The following PDCL2 variants were observed in gnomAD, a reference collection of about 807,000 sequenced individuals.
The protein encoded by PDCL2 is phosducin like 2.
Under a neutral mutation model 30.3 loss-of-function variants are expected in PDCL2, and 23 were observed. That is an observed-to-expected ratio of 0.76 (90% confidence interval 0.55 to 1.08). PDCL2 has a LOEUF of 1.08. Ranked by LOEUF, PDCL2 falls within the 50% of genes least tolerant of loss-of-function variation. PDCL2 has a pLI of 0.00. For synonymous variants in PDCL2, 68 were observed against 86.2 expected (o/e 0.79, Z 1.17); for missense variants, 243 against 282.3 (o/e 0.86, Z 1.00).
intron 4 of PDCL2, among the ~76,000 whole-genome samples, chr4:55,568,392 TGC>T (rs1732325990): frequency 6.6e-6 from 1 of 152,088 alleles, no homozygotes; most frequent in African/African-American, 2.4e-5. Flanking sequence ...AATGGGGGAG[TGC>T]AGGGGTGCAG....
chr4:55,559,780 A>G (rs772693628), intron 5 of PDCL2, among the ~76,000 whole-genome samples: 1 of 152,248 alleles, frequency 6.6e-6, no homozygotes, highest in Non-Finnish European at 1.5e-5. Flanking sequence ...ATGAAGGGAT[A>G]CACAAGATAT....
At chr4:55,558,747 A>T (rs994091081) in intron 5 of PDCL2, among the ~76,000 whole-genome samples, 1 of 152,228 alleles carries the variant, frequency 6.6e-6, no homozygotes, top group African/African-American at 2.4e-5. Context: ...TGCAAAGTAA[A>T]GAAAAAGATT....
At chr4:55,560,750 G>T (rs1732110606) in intron 5 of PDCL2, among the ~76,000 whole-genome samples, 1 of 152,296 alleles carries the variant, frequency 6.6e-6, no homozygotes, top group Non-Finnish European at 1.5e-5. Context: ...GTATTAAGAG[G>T]TGGGGACTTT....
intron 1 of PDCL2, among the ~76,000 whole-genome samples, chr4:55,588,833 G>C (rs1231057007): frequency 6.7e-6 from 1 of 149,882 alleles, no homozygotes; most frequent in Non-Finnish European, 1.5e-5. Context: ...TACTCTATTT[G>C]TCTGTTTTAT....
At chr4:55,568,086 C>T (rs768405290) in intron 4 of PDCL2, among the ~76,000 whole-genome samples, 1 of 152,164 alleles carries the variant, frequency 6.6e-6, no homozygotes, top group Admixed American at 6.5e-5. Flanking sequence ...GGGTTATATA[C>T]AGGGCTATAA....
chr4:55,558,203 T>C (rs1732029342), intron 5 of PDCL2, among the ~76,000 whole-genome samples: 1 of 151,982 alleles, frequency 6.6e-6, no homozygotes, highest in South Asian at 2.1e-4. Flanking sequence ...AGAAAAAAAG[T>C]AGACACATTC....
At chr4:55,592,034 C>T in intron 1 of PDCL2, 70 bp downstream of exon 1, 1 of 1,584,508 alleles carries the variant, frequency 6.3e-7, no homozygotes, top group East Asian at 2.3e-5. Context: ...CCATTTGTGT[C>T]CCTTGGCTTC....
intron 3 of PDCL2, among the ~76,000 whole-genome samples, 192 bp downstream of exon 3, chr4:55,580,629 A>G (rs959735569): frequency 2.6e-5 from 4 of 152,198 alleles, no homozygotes; most frequent in Admixed American, 2.0e-4. Flanking sequence ...TATTAAATCA[A>G]AGGCAAAATA....
intron 5 of PDCL2, among the ~76,000 whole-genome samples, chr4:55,558,957 C>T (rs1246805106): frequency 1.3e-5 from 2 of 152,022 alleles, no homozygotes; most frequent in African/African-American, 4.8e-5. Context: ...TGAAAAAACA[C>T]AAATGACAAA....
Position 55,582,248 on chromosome 4 carries a change from A to G in PDCL2, c.7-11T>C, listed in dbSNP as rs1327202685. ...ATCTTCATTGGGATCCTACACAAAA[A>G]GAAAAGAAAAGAAAATTAACATGGT... On this transcript the variant is annotated splice_polypyrimidine_tract_variant and intron_variant, in intron 1 of 5. Coordinates refer to ENST00000295645, the MANE Select transcript of PDCL2 (RefSeq NM_152401.3). 1 of 1,553,320 alleles carries G rather than the reference A, an allele frequency of 6.4e-7. No homozygotes were observed. Among genetic ancestry groups the G allele is most frequent in the Admixed American group, 2.0e-5 (1 of 48,922 alleles).
chr4:55,569,630 C>CTGT, intron 4 of PDCL2, 88 bp downstream of exon 4: 1 of 930,798 alleles, frequency 1.1e-6, no homozygotes, highest in East Asian at 2.8e-5. Flanking sequence ...TTCTTGAGTA[C>CTGT]TGTTATATAC....
chr4:55,575,046 C>T (rs896065865), intron 3 of PDCL2, among the ~76,000 whole-genome samples: 14 of 152,182 alleles, frequency 9.2e-5, no homozygotes, highest in African/African-American at 3.1e-4. Flanking sequence ...GGTTCCAATC[C>T]TCACCAATTT....
At chr4:55,587,455 G>C (rs1214825804) in intron 1 of PDCL2, among the ~76,000 whole-genome samples, 3 of 151,616 alleles carry the variant, frequency 2.0e-5, no homozygotes, top group East Asian at 3.9e-4. Flanking sequence ...TTGTTGTTGA[G>C]TTTTAGGAAG....
intron 5 of PDCL2, among the ~76,000 whole-genome samples, chr4:55,561,099 ATT>A (rs1300208044): frequency 6.6e-6 from 1 of 152,088 alleles, no homozygotes; most frequent in Non-Finnish European, 1.5e-5. Flanking sequence ...TATGTTGTTA[ATT>A]TTTTTAATTA....
At chr4:55,575,366 C>A (rs1732537534) in intron 3 of PDCL2, among the ~76,000 whole-genome samples, 2 of 148,712 alleles carry the variant, frequency 1.3e-5, no homozygotes, top group Admixed American at 6.7e-5. Context: ...ATGATCAAAT[C>A]TGAGAAAAAA....
At chr4:55,589,487 C>T (rs1732945827) in intron 1 of PDCL2, among the ~76,000 whole-genome samples, 1 of 152,182 alleles carries the variant, frequency 6.6e-6, no homozygotes, top group South Asian at 2.1e-4. Context: ...CTGTCTTAGG[C>T]CGAAATGTTT....
At chr4:55,560,848 C>T (rs960442700) in intron 5 of PDCL2, among the ~76,000 whole-genome samples, 3 of 152,064 alleles carry the variant, frequency 2.0e-5, no homozygotes, top group South Asian at 2.1e-4. Flanking sequence ...CCTTCCACCA[C>T]GTAAGGTCAA....
chr4:55,591,648 G>A (rs898123265), intron 1 of PDCL2, among the ~76,000 whole-genome samples: 1 of 152,126 alleles, frequency 6.6e-6, no homozygotes, highest in African/African-American at 2.4e-5. Context: ...CCTCCCAAAA[G>A]TCTAACAGAG....
intron 2 of PDCL2, among the ~76,000 whole-genome samples, chr4:55,581,678 A>C (rs1220086753): frequency 6.6e-6 from 1 of 152,108 alleles, no homozygotes; most frequent in Non-Finnish European, 1.5e-5. Flanking sequence ...AAAGTAGTTG[A>C]GGGGGGTTAT....
Sources: gnomAD v4.1 joint callset for allele counts (sites outside exome capture counted in the v4.1 genomes callset) on GRCh38, gnomAD v4.1.1 for gene constraint, MANE v1.5 for transcripts, NCBI Gene and HGNC (gene_info 2026-07-23, HGNC 2026-07-21) for gene names.